CHD6: variants seen among roughly 807,000 people sequenced by gnomAD.
The protein encoded by CHD6 is chromodomain helicase DNA binding protein 6.
Under a neutral mutation model 276.9 loss-of-function variants are expected in CHD6, and 50 were observed. That is an observed-to-expected ratio of 0.18 (90% CI 0.14 to 0.23). The LOEUF is 0.23. Ranked by LOEUF, CHD6 falls within the 10% of genes least tolerant of loss-of-function variation. The probability of loss-of-function intolerance (pLI) is 1.00; values close to 1 mark genes in which losing one functional copy is unlikely to be tolerated. For missense variants in CHD6, 2,564 were observed against 3,365.8 expected (o/e 0.76, Z 5.89); for synonymous variants, 1,173 against 1,229.3 (o/e 0.95, Z 0.96).
chr20:41,497,783 T>C (rs898828571), intron 7 of CHD6: 5 of 471,952 alleles, frequency 1.1e-5, no homozygotes, highest in Non-Finnish European at 1.5e-5. Context: ...TAACACACAT[T>C]AGTGAAAGTG....
chr20:41,588,940 C>T (rs1239500155), intron 1 of CHD6, among the ~76,000 whole-genome samples: 8 of 152,100 alleles, frequency 5.3e-5, no homozygotes, highest in African/African-American at 1.9e-4. Context: ...ACCAATATCC[C>T]TGATGAACAT....
chr20:41,545,497 T>C (rs1016263404), intron 2 of CHD6, among the ~76,000 whole-genome samples: 2 of 152,180 alleles, frequency 1.3e-5, no homozygotes, highest in African/African-American at 2.4e-5. Context: ...AGGCTAGTTA[T>C]TGGCCCAGAT....
At chr20:41,569,953 A>T (rs1168578016) in intron 1 of CHD6, among the ~76,000 whole-genome samples, 1 of 152,136 alleles carries the variant, frequency 6.6e-6, no homozygotes, top group African/African-American at 2.4e-5. Context: ...TACTGTATTT[A>T]TGTTACCTGT....
intron 2 of CHD6, among the ~76,000 whole-genome samples, chr20:41,546,400 T>C (rs1015080015): frequency 2.0e-5 from 3 of 152,220 alleles, no homozygotes; most frequent in African/African-American, 7.2e-5. Flanking sequence ...TATAATATTA[T>C]GTATTTCTAT....
intron 18 of CHD6, 48 bp downstream of exon 18, chr20:41,457,216 G>C: frequency 6.3e-7 from 1 of 1,585,682 alleles, no homozygotes; most frequent in Non-Finnish European, 8.6e-7. Flanking sequence ...TGTCTGGGCT[G>C]TGCGACCAAT....
In CHD6 at chr20:41,404,669, G is replaced by A; in HGVS notation, c.8072C>T (p.Pro2691Leu). The A allele has an allele frequency of 6.5e-7, 1 of 1,549,184 alleles. No individual in the cohort carries two copies. Reference protein sequence around the residue: ...GDENCAEPSAPLPAEREHGAQ... With the variant: ...GDENCAEPSALLPAEREHGAQ... ...CCCATGTTCTCTCTCTGCGGGCAAA[G>A]GGGCACTGGGTTCGGCACAGTTCTC... The change falls in exon 37 of 37, where the codon CCT becomes CTT. Residue 2691 changes from proline (P) to leucine (L), a missense_variant. Physicochemically the swap from Pro to Leu is moderately conservative, Grantham distance 98 (BLOSUM62 -3). Transcript: ENST00000373233.
chr20:41,414,399 A>G (rs1402630404), intron 34 of CHD6: 1 of 154,542 alleles, frequency 6.5e-6, no homozygotes, highest in African/African-American at 2.4e-5. Flanking sequence ...AGGAACAAAC[A>G]AGATAATCAT....
intron 8 of CHD6, among the ~76,000 whole-genome samples, chr20:41,494,692 C>T (rs897446605): frequency 6.6e-6 from 1 of 152,176 alleles, no homozygotes; most frequent in Non-Finnish European, 1.5e-5. Context: ...AGCCCTCCTC[C>T]AGGAGTGCTG....
intron 11 of CHD6, 116 bp downstream of exon 11, chr20:41,491,582 A>T: frequency 3.5e-6 from 4 of 1,158,514 alleles, no homozygotes; most frequent in Non-Finnish European, 5.0e-6. Context: ...TACCACCCTA[A>T]ATTGATGGCC....
In CHD6 at chr20:41,421,848, G is replaced by C. The variant is rs1255104120; in HGVS notation, c.4787C>G (p.Thr1596Ser). 1 of 1,614,186 alleles carries C rather than the reference G, an allele frequency of 6.2e-7. No homozygotes were observed. Among genetic ancestry groups the C allele is most frequent in the Admixed American group, 1.7e-5 (1 of 60,032 alleles). ...GGGGTCGTTCATGATGTAACAGTCA[G>C]TGCGGTTCAGCCCATGTTTGGCAGT... Reference protein sequence around the residue: ...IGTAKHGLNRTDCYIMNDPQL... With the variant: ...IGTAKHGLNRSDCYIMNDPQL... Residue 1596 changes from threonine to serine, a missense_variant, in exon 31 of 37, where the codon ACT becomes AGT. Physicochemically the swap from Thr to Ser is moderately conservative, Grantham distance 58 (BLOSUM62 1). Transcript: ENST00000373233.
chr20:41,549,528 G>C (rs1264139394), intron 2 of CHD6, among the ~76,000 whole-genome samples: 2 of 140,892 alleles, frequency 1.4e-5, no homozygotes, highest in South Asian at 4.9e-4. Context: ...AGCATTAGGA[G>C]ATATACCTAA....
chr20:41,458,448 G>A (rs1054807698), intron 17 of CHD6, among the ~76,000 whole-genome samples: 13 of 152,168 alleles, frequency 8.5e-5, no homozygotes, highest in Admixed American at 8.5e-4. Flanking sequence ...GCCTCTCTAA[G>A]TTGGCTCCTG....
At chr20:41,542,677 A>G (rs138401396) in intron 2 of CHD6, among the ~76,000 whole-genome samples, 3 of 151,452 alleles carry the variant, frequency 2.0e-5, no homozygotes, top group Non-Finnish European at 2.9e-5. Context: ...TGGGCGACAG[A>G]GCGAGACTCC....
chr20:41,549,557 T>G (rs1279622763), intron 2 of CHD6, among the ~76,000 whole-genome samples: 2 of 145,832 alleles, frequency 1.4e-5, no homozygotes, highest in African/African-American at 5.1e-5. Flanking sequence ...GATGAGTTAA[T>G]GGGTGCAGCA....
chr20:41,527,681 G>A (rs531587980), intron 3 of CHD6, among the ~76,000 whole-genome samples: 2 of 152,302 alleles, frequency 1.3e-5, no homozygotes, highest in South Asian at 4.1e-4. Flanking sequence ...GCATTTAGAA[G>A]CATTAGATGC....
chr20:41,482,959 C>G (rs1276986600), intron 16 of CHD6, among the ~76,000 whole-genome samples: 1 of 152,114 alleles, frequency 6.6e-6, no homozygotes, highest in Non-Finnish European at 1.5e-5. Context: ...ATATTTCTTT[C>G]ACCATTATTA....
intron 1 of CHD6, among the ~76,000 whole-genome samples, chr20:41,586,053 A>G (rs960981307): frequency 1.3e-5 from 2 of 152,192 alleles, no homozygotes; most frequent in African/African-American, 2.4e-5. Context: ...GTCAAATCAT[A>G]TATCGCCTGA....
At position 41,578,696 on chromosome 20, in the gene CHD6, A is replaced by AG. The variant is rs896466707; in HGVS notation, c.-23-27337_-23-27336insC. On this transcript the variant is annotated intron_variant, in intron 1 of 36. Transcript: ENST00000373233. ...TGACAAAGTGAGACTCCGTCTCAAA[A>AG]AAAAAAAAAAGAAAGAAAGAAAGAA... Among the ~76,000 whole-genome samples the AG allele has an allele frequency of 1.1e-4, 17 of 151,014 alleles. 1 individual carries two copies. The highest frequency in any genetic ancestry group is 5.3e-4 in the Admixed American group (8 of 15,174).
chr20:41,565,932 C>A (rs1301895177), intron 1 of CHD6, among the ~76,000 whole-genome samples: 1 of 152,082 alleles, frequency 6.6e-6, no homozygotes, highest in Non-Finnish European at 1.5e-5. Flanking sequence ...ACTTTTCTAG[C>A]CTGGGAGACT....
Sources: allele counts gnomAD v4.1 joint callset (sites outside exome capture counted in the v4.1 genomes callset), GRCh38; gene constraint gnomAD v4.1.1; transcripts MANE v1.5; gene names NCBI Gene and HGNC (gene_info 2026-07-23, HGNC 2026-07-21).